ATP6V1D: variants seen among roughly 807,000 people sequenced by gnomAD.
ATP6V1D encodes V-type proton ATPase subunit D.
A neutral mutation model predicts 39.4 loss-of-function variants in ATP6V1D; 20 were observed. That is an observed-to-expected ratio of 0.51 (90% CI 0.36 to 0.74). The LOEUF (loss-of-function observed/expected upper bound fraction) is 0.74, where lower values mean the gene tolerates loss of function less well. Ranked by LOEUF, ATP6V1D falls within the 30% of genes least tolerant of loss-of-function variation. The pLI, the probability that ATP6V1D is intolerant of heterozygous loss-of-function variation, is 0.00. For synonymous variants in ATP6V1D, 100 were observed against 100.5 expected, an observed-to-expected ratio of 0.99 and a Z score of 0.03; for missense variants, 228 against 291.6, an observed-to-expected ratio of 0.78 and a Z score of 1.59.
intron 5 of ATP6V1D, among the ~76,000 whole-genome samples, chr14:67,346,262 T>C (rs1289731895): frequency 6.6e-6 from 1 of 152,220 alleles, no homozygotes; most frequent in East Asian, 1.9e-4. Flanking sequence ...ATGATTTAAT[T>C]AAATATCACA....
At position 67,345,112 on chromosome 14, in the gene ATP6V1D, C is replaced by A. The variant is rs898787480; in HGVS notation, c.456+656G>T. Among the ~76,000 whole-genome samples, 25 of 151,638 alleles carry A rather than the reference C, an allele frequency of 1.6e-4. 1 individual carries two copies. The highest frequency in any genetic ancestry group is 6.6e-4 in the Admixed American group (10 of 15,218). ...CAAAAATTAGCTAGGTGTGATGGGG[C>A]ATGCCTATAGTCCCAGCTACTCAGG... On this transcript the variant is annotated intron_variant, in intron 6 of 8. Coordinates refer to ENST00000216442, the MANE Select transcript of ATP6V1D (RefSeq NM_015994.4).
At chr14:67,349,755 A>C (rs562536506) in intron 3 of ATP6V1D, among the ~76,000 whole-genome samples, 77 of 152,164 alleles carry the variant, frequency 5.1e-4, no homozygotes, top group Non-Finnish European at 1.0e-3. Flanking sequence ...ACCACCCTAA[A>C]ACACTCACAT....
chr14:67,340,245 T>C, intron 8 of ATP6V1D, 195 bp downstream of exon 8: 1 of 512,374 alleles, frequency 2.0e-6, no homozygotes, highest in Non-Finnish European at 3.5e-6. Flanking sequence ...GGAAATGCCA[T>C]GTTATAGGTA....
chr14:67,346,646 CT>C (rs1330133506), intron 5 of ATP6V1D, among the ~76,000 whole-genome samples: 1 of 152,102 alleles, frequency 6.6e-6, no homozygotes, highest in Non-Finnish European at 1.5e-5. Context: ...AAAGTTAATA[CT>C]TTACTTTGGA....
chr14:67,340,597 G>A, intron 7 of ATP6V1D, 79 bp from the exon 8 acceptor site: 1 of 1,197,708 alleles, frequency 8.3e-7, no homozygotes, highest in Non-Finnish European at 1.2e-6. Flanking sequence ...TTGTATAACA[G>A]TTATTTTTTC....
chr14:67,343,209 CTTT>C (rs571111599), intron 7 of ATP6V1D, among the ~76,000 whole-genome samples, 160 bp downstream of exon 7: 6 of 148,128 alleles, frequency 4.1e-5, no homozygotes, highest in Non-Finnish European at 7.5e-5. Flanking sequence ...CTTCATAACA[CTTT>C]TTTTTTTTAC....
chr14:67,351,187 G>A (rs2085651869), intron 2 of ATP6V1D, among the ~76,000 whole-genome samples: 2 of 152,164 alleles, frequency 1.3e-5, no homozygotes, highest in Admixed American at 1.3e-4. Flanking sequence ...AATATATCTG[G>A]TTTGGGACAG....
chr14:67,345,953 A>C, intron 5 of ATP6V1D, 82 bp from the exon 6 acceptor site: 1 of 825,324 alleles, frequency 1.2e-6, no homozygotes, highest in Non-Finnish European at 2.0e-6. Flanking sequence ...ATAATTCAGA[A>C]TAATAACAAA....
At chr14:67,348,231 C>T (rs1003692960) in intron 4 of ATP6V1D, among the ~76,000 whole-genome samples, 7 of 151,912 alleles carry the variant, frequency 4.6e-5, no homozygotes, top group East Asian at 2.0e-4. Context: ...TGCGCTACCA[C>T]GTCTGGCTTA....
intron 2 of ATP6V1D, 149 bp downstream of exon 2, chr14:67,352,774 T>C (rs2085663960): frequency 1.9e-5 from 11 of 591,588 alleles, no homozygotes; most frequent in Non-Finnish European, 3.2e-5. Context: ...AATGAACTAT[T>C]TGATATTTGA....
intron 1 of ATP6V1D, among the ~76,000 whole-genome samples, chr14:67,355,642 G>A (rs192277336): frequency 1.3e-5 from 2 of 152,034 alleles, no homozygotes; most frequent in Non-Finnish European, 1.5e-5. Context: ...TATAAGTTCC[G>A]GGGAAAGAGT....
intron 1 of ATP6V1D, 66 bp downstream of exon 1, chr14:67,359,592 G>C: frequency 6.3e-7 from 1 of 1,575,404 alleles, no homozygotes; most frequent in African/African-American, 1.3e-5. Flanking sequence ...GTGGCCCAGG[G>C]TCTGAAGGGA....
rs1266720241 is a variant in ATP6V1D at position 67,338,068 on chromosome 14, GACTT to G, written c.*549_*552del. ...AACAGTAAATTAATAAAAACGGAAT[GACTT>G]ACTTTTAAATCATTTTACTGTTTAT... On this transcript the variant is annotated 3_prime_UTR_variant, in exon 9 of 9. Transcript: ENST00000216442. 1.3e-5 allele frequency: 2 copies of G among 152,250 alleles called. No individual in the cohort carries two copies. Among genetic ancestry groups the G allele is most frequent in the Non-Finnish European group, 2.9e-5 (2 of 68,098 alleles). 9.4% of individuals were successfully genotyped at this position (152,250 alleles called of 1,614,324 possible). A position where few individuals can be genotyped will look rare whatever the true frequency, so the allele number is the denominator to read the frequency against.
chr14:67,343,505 C>G, intron 6 of ATP6V1D, 67 bp from the exon 7 acceptor site: 1 of 1,084,664 alleles, frequency 9.2e-7, no homozygotes, highest in Non-Finnish European at 1.4e-6. Context: ...TCACTTGACT[C>G]CACTAAGACT....
At chr14:67,342,303 G>A (rs1431973970) in intron 7 of ATP6V1D, among the ~76,000 whole-genome samples, 6 of 151,760 alleles carry the variant, frequency 4.0e-5, no homozygotes, top group African/African-American at 1.2e-4. Flanking sequence ...ACATGGTGGT[G>A]TATACCCTTC....
chr14:67,348,857 G>T, intron 4 of ATP6V1D, 180 bp downstream of exon 4: 1 of 634,184 alleles, frequency 1.6e-6, no homozygotes, highest in Non-Finnish European at 2.7e-6. Flanking sequence ...CTATACAAAA[G>T]TCAAGTTATC....
chr14:67,340,819 G>A (rs896803824), intron 7 of ATP6V1D, among the ~76,000 whole-genome samples: 19 of 152,286 alleles, frequency 1.2e-4, no homozygotes, highest in African/African-American at 2.4e-4. Context: ...GATTGCAGGC[G>A]CGTGCCGCCA....
In ATP6V1D at chr14:67,359,720, C is replaced by A; in HGVS notation, c.-22G>T. ...ACATTCTGACGATAACTTTTCGGCTCGGGTCCCCGGCCGGGCAACCGAGGC... is the reference window on the plus strand; with the variant it reads ...ACATTCTGACGATAACTTTTCGGCTAGGGTCCCCGGCCGGGCAACCGAGGC... On this transcript the variant is annotated 5_prime_UTR_variant, in exon 1 of 9. Transcript: ENST00000216442. 1 of 1,613,628 alleles carries A rather than the reference C, an allele frequency of 6.2e-7. No homozygotes were observed. The highest frequency in any genetic ancestry group is 8.5e-7 in the Non-Finnish European group (1 of 1,179,926).
intron 3 of ATP6V1D, among the ~76,000 whole-genome samples, 172 bp downstream of exon 3, chr14:67,350,439 T>C (rs141484290): frequency 3.7e-4 from 57 of 152,350 alleles, no homozygotes; most frequent in East Asian, 3.5e-3. Context: ...AAGAATTACA[T>C]GTGGAAGATG....
Sources: allele counts gnomAD v4.1 joint callset (sites outside exome capture counted in the v4.1 genomes callset), GRCh38; gene constraint gnomAD v4.1.1; transcripts MANE v1.5; gene names NCBI Gene and HGNC (gene_info 2026-07-23, HGNC 2026-07-21).